The following TIAM1 variants were observed in gnomAD, a reference collection of about 807,000 sequenced individuals.
TIAM1 encodes the protein rho guanine nucleotide exchange factor TIAM1.
In TIAM1, 65 loss-of-function variants were observed where a neutral mutation model predicts 163.5. The ratio of observed to expected loss-of-function variants is 0.40; its 90% confidence interval spans 0.33 to 0.49. The LOEUF (loss-of-function observed/expected upper bound fraction) is 0.49, where lower values mean the gene tolerates loss of function less well. Ranked by LOEUF, TIAM1 falls within the 20% of genes least tolerant of loss-of-function variation. The probability of loss-of-function intolerance (pLI) is 0.77; values close to 1 mark genes in which losing one functional copy is unlikely to be tolerated. For missense variants in TIAM1, 1,789 were observed against 2,044.7 expected, an observed-to-expected ratio of 0.87 and a Z score of 2.41; for synonymous variants, 833 against 810.1, an observed-to-expected ratio of 1.03 and a Z score of -0.48.
rs150907630 is a variant in TIAM1, at chr21:31,342,659, G to A, written c.-369+1479C>T. Among the ~76,000 whole-genome samples the A allele has an allele frequency of 1.9e-3, 285 of 152,322 alleles. 1 individual carries two copies. The highest frequency in any genetic ancestry group is 6.6e-3 in the African/African-American group (273 of 41,562). On this transcript the variant is annotated intron_variant, in intron 1 of 27. Transcript: ENST00000541036. Reference sequence around the variant, plus strand: ...AAGGTTCCTTGTGGGGTGGAGGGGCGTGAGGGAGTAGATCACAGACCTCAT... The same window carrying A: ...AAGGTTCCTTGTGGGGTGGAGGGGCATGAGGGAGTAGATCACAGACCTCAT...
At chr21:31,439,667 C>G (rs1218902131) in intron 2 of TIAM1, among the ~76,000 whole-genome samples, 1 of 151,682 alleles carries the variant, frequency 6.6e-6, no homozygotes, top group Non-Finnish European at 1.5e-5. Context: ...GTTGACCAGT[C>G]ATTAATATGT....
At chr21:31,377,720 CTT>C (rs1337771833) in intron 2 of TIAM1, among the ~76,000 whole-genome samples, 1 of 152,032 alleles carries the variant, frequency 6.6e-6, no homozygotes, top group Non-Finnish European at 1.5e-5. Context: ...GGTATTTAGA[CTT>C]TGTACTGAAG....
At chr21:31,462,942 C>T (rs977852323) in intron 2 of TIAM1, among the ~76,000 whole-genome samples, 1 of 152,114 alleles carries the variant, frequency 6.6e-6, no homozygotes, top group African/African-American at 2.4e-5. Flanking sequence ...AGGGTTTCAC[C>T]ATGTTGGCCA....
intron 1 of TIAM1, among the ~76,000 whole-genome samples, chr21:31,474,906 G>A (rs1308729045): frequency 1.3e-5 from 2 of 151,888 alleles, no homozygotes; most frequent in African/African-American, 4.8e-5. Context: ...ACCTGTTTAG[G>A]GTAAGGAAGG....
intron 23 of TIAM1, among the ~76,000 whole-genome samples, chr21:31,135,066 T>C (rs2082565616): frequency 6.6e-6 from 1 of 151,974 alleles, no homozygotes; most frequent in Non-Finnish European, 1.5e-5. Flanking sequence ...ACAAAAATAA[T>C]ATAAGGCAAG....
chr21:31,524,645 A>ACT (rs1051822627), intron 1 of TIAM1, among the ~76,000 whole-genome samples: 2 of 152,214 alleles, frequency 1.3e-5, no homozygotes, highest in African/African-American at 2.4e-5. Context: ...ATCAGAGTTT[A>ACT]CTCTCTCTCT....
At chr21:31,122,026 C>G (rs914739674) in intron 27 of TIAM1, among the ~76,000 whole-genome samples, 1 of 152,172 alleles carries the variant, frequency 6.6e-6, no homozygotes, top group African/African-American at 2.4e-5. Context: ...TAGAAGATGC[C>G]TCGTGTCTCA....
chr21:31,154,562 T>C (rs1194501887), intron 16 of TIAM1, 136 bp from the exon 17 acceptor site: 1 of 854,320 alleles, frequency 1.2e-6, no homozygotes, highest in Admixed American at 2.8e-5. Flanking sequence ...TTTCCACAAA[T>C]TGCTCCACAT....
At chr21:31,555,869 CAGGGTTTCAG>C (rs1214527270) in intron 1 of TIAM1, among the ~76,000 whole-genome samples, 2 of 152,076 alleles carry the variant, frequency 1.3e-5, no homozygotes, top group Non-Finnish European at 2.9e-5. Flanking sequence ...CTCAGGGCTC[CAGGGTTTCAG>C]TCGGCACACT....
intron 27 of TIAM1, among the ~76,000 whole-genome samples, chr21:31,123,375 T>C (rs1291598760): frequency 3.9e-5 from 6 of 152,172 alleles, no homozygotes; most frequent in African/African-American, 1.2e-4. Context: ...TATTCTTCCA[T>C]GGCGACCCCA....
chr21:31,402,432 TG>T (rs1460574106), intron 2 of TIAM1, among the ~76,000 whole-genome samples: 1 of 151,900 alleles, frequency 6.6e-6, no homozygotes, highest in Non-Finnish European at 1.5e-5. Context: ...AAGCAAAAAT[TG>T]ACACTATGGG....
chr21:31,123,459 C>A (rs2146204337), intron 27 of TIAM1, among the ~76,000 whole-genome samples: 1 of 152,310 alleles, frequency 6.6e-6, no homozygotes, highest in East Asian at 1.9e-4. Flanking sequence ...GCTGGGTGTT[C>A]ACTGCACTAA....
upstream of TIAM1, among the ~76,000 whole-genome samples, chr21:31,347,493 C>A (rs2076166937): frequency 6.6e-6 from 1 of 152,206 alleles, no homozygotes; most frequent in African/African-American, 2.4e-5. Flanking sequence ...GTTCTGAAAG[C>A]CACTCGTTTT....
intron 1 of TIAM1, among the ~76,000 whole-genome samples, chr21:31,517,780 G>T (rs2047433341): frequency 6.6e-6 from 1 of 152,202 alleles, no homozygotes; most frequent in Non-Finnish European, 1.5e-5. Context: ...TCTTGTACCA[G>T]GAGGAAGGAA....
At chr21:31,252,587 T>C (rs2071872762) in intron 4 of TIAM1, among the ~76,000 whole-genome samples, 1 of 152,218 alleles carries the variant, frequency 6.6e-6, no homozygotes, top group African/African-American at 2.4e-5. Flanking sequence ...CAGGAAATTC[T>C]GCAGGCAGAT....
intron 2 of TIAM1, among the ~76,000 whole-genome samples, chr21:31,320,075 CAT>C (rs1296559747): frequency 6.6e-6 from 1 of 152,022 alleles, no homozygotes; most frequent in African/African-American, 2.4e-5. Context: ...ATAAACAAAA[CAT>C]ATGTATATAT....
chr21:31,308,954 AAAAT>A (rs2074821086), intron 2 of TIAM1, among the ~76,000 whole-genome samples: 1 of 152,184 alleles, frequency 6.6e-6, no homozygotes, highest in Non-Finnish European at 1.5e-5. Context: ...ACAGGGATGA[AAAAT>A]GAAGCAACTA....
chr21:31,442,232 G>GTT (rs904586823), intron 2 of TIAM1, among the ~76,000 whole-genome samples: 47 of 124,942 alleles, frequency 3.8e-4, no homozygotes, highest in Admixed American at 7.6e-4. Context: ...GGAGTAGGGA[G>GTT]TTTTTTTTTT....
chr21:31,401,915 A>G (rs1429319133), intron 2 of TIAM1, among the ~76,000 whole-genome samples: 1 of 151,090 alleles, frequency 6.6e-6, no homozygotes, highest in Non-Finnish European at 1.5e-5. Context: ...TATCTCTTAA[A>G]AAAAAAAAAA....
Sources: gnomAD v4.1 joint callset for allele counts (sites outside exome capture counted in the v4.1 genomes callset) on GRCh38, gnomAD v4.1.1 for gene constraint, MANE v1.5 for transcripts, NCBI Gene and HGNC (gene_info 2026-07-23, HGNC 2026-07-21) for gene names.